Variants in TTC21B observed in about 807,000 individuals in gnomAD.
TTC21B encodes the protein tetratricopeptide repeat protein 21B.
TTC21B carries 127 observed loss-of-function variants against 175.1 expected under a neutral mutation model. That is an observed-to-expected ratio of 0.73 (90% confidence interval 0.63 to 0.84). TTC21B has a LOEUF of 0.84. Among genes scored for constraint, TTC21B ranks in the 40% least tolerant of loss-of-function variants. The probability of loss-of-function intolerance (pLI) is 0.00; values close to 1 mark genes in which losing one functional copy is unlikely to be tolerated. For synonymous variants in TTC21B, 524 were observed against 524.5 expected (o/e 1.00, Z 0.01); for missense variants, 1,561 against 1,558.3 (o/e 1.00, Z -0.03).
chr2:165,931,697 C>G (rs1182883191), intron 8 of TTC21B, 61 bp downstream of exon 8: 2 of 1,393,144 alleles, frequency 1.4e-6, no homozygotes, highest in Non-Finnish European at 2.0e-6. Flanking sequence ...CCACCTTTTC[C>G]ACTTATTTTA....
chr2:165,940,345 C>T (rs1245507357), intron 6 of TTC21B, among the ~76,000 whole-genome samples: 1 of 152,156 alleles, frequency 6.6e-6, no homozygotes, highest in Non-Finnish European at 1.5e-5. Flanking sequence ...CACTCCTCTG[C>T]TCAAAACCCT....
intron 12 of TTC21B, among the ~76,000 whole-genome samples, 198 bp downstream of exon 12, chr2:165,924,351 A>G (rs549800387): frequency 6.6e-6 from 1 of 152,194 alleles, no homozygotes; most frequent in Non-Finnish European, 1.5e-5. Flanking sequence ...CTTAAGCCAC[A>G]CAAGTTTATA....
intron 6 of TTC21B, among the ~76,000 whole-genome samples, chr2:165,936,376 G>A (rs1445643713): frequency 6.6e-6 from 1 of 152,000 alleles, no homozygotes; most frequent in East Asian, 1.9e-4. Flanking sequence ...TAATACAGGA[G>A]AAAATCTGAC....
intron 6 of TTC21B, among the ~76,000 whole-genome samples, chr2:165,939,628 A>G (rs72887426): frequency 2.6e-5 from 4 of 152,296 alleles, no homozygotes; most frequent in Non-Finnish European, 4.4e-5. Flanking sequence ...CAGTGACTCC[A>G]AAATACTAGC....
chr2:165,908,085 G>A (rs1164052735), intron 18 of TTC21B, among the ~76,000 whole-genome samples: 1 of 152,120 alleles, frequency 6.6e-6, no homozygotes. Flanking sequence ...ATTCTTAAGT[G>A]TATAAAAATT....
chr2:165,935,998 G>T (rs1687124784), intron 6 of TTC21B, among the ~76,000 whole-genome samples: 1 of 152,048 alleles, frequency 6.6e-6, no homozygotes, highest in Non-Finnish European at 1.5e-5. Context: ...AAAAAACACA[G>T]AATAGCAACA....
chr2:165,895,896 G>A (rs904574867), intron 22 of TTC21B, among the ~76,000 whole-genome samples: 1 of 152,066 alleles, frequency 6.6e-6, no homozygotes, highest in African/African-American at 2.4e-5. Flanking sequence ...AACTCAAAGA[G>A]TAAAAATAAT....
chr2:165,941,228 A>G, intron 5 of TTC21B, 44 bp from the exon 6 acceptor site: 1 of 1,607,888 alleles, frequency 6.2e-7, no homozygotes, highest in Non-Finnish European at 8.5e-7. Context: ...GTGATCTTTC[A>G]TATCAAAGTT....
At chr2:165,911,666 A>AT (rs1391053835) in intron 17 of TTC21B, among the ~76,000 whole-genome samples, 369 of 138,356 alleles carry the variant, frequency 2.7e-3, no homozygotes, top group Non-Finnish European at 3.8e-3. Context: ...ATATATATAT[A>AT]TATTTTTTTT....
intron 24 of TTC21B, among the ~76,000 whole-genome samples, chr2:165,889,687 A>G (rs1366499099): frequency 6.6e-6 from 1 of 152,122 alleles, no homozygotes. Flanking sequence ...GCAATCTACC[A>G]CTAATTTTCT....
At position 165,917,340 on chromosome 2, in the gene TTC21B, C is replaced by T. The variant is rs763485309; in HGVS notation, c.1816G>A (p.Asp606Asn). 53 of 1,614,030 alleles carry T rather than the reference C, an allele frequency of 3.3e-5. No homozygotes were observed. The highest frequency in any genetic ancestry group is 1.7e-4 in the Admixed American group (10 of 60,008). The change falls in exon 14 of 29, where the codon GAC (aspartate) becomes AAC (asparagine). Residue 606 changes from aspartate (D) to asparagine (N), a missense_variant. By Grantham distance (23) the Asp-to-Asn change is conservative. Coordinates refer to ENST00000243344, the MANE Select transcript of TTC21B (RefSeq NM_024753.5). ...KRIGASTKSK[D>N]RKTEVDTSHR... ...CTTGTATCAACTTCAGTTTTTCTGTCTTTTGATTTTGTGGAAGCTCCAATT... is the reference window on the plus strand; with the variant it reads ...CTTGTATCAACTTCAGTTTTTCTGTTTTTTGATTTTGTGGAAGCTCCAATT...
At chr2:165,918,131 C>T (rs1686246332) in intron 13 of TTC21B, among the ~76,000 whole-genome samples, 1 of 152,210 alleles carries the variant, frequency 6.6e-6, no homozygotes, top group African/African-American at 2.4e-5. Context: ...TGCTGAGGTT[C>T]TCAACCTTAG....
chr2:165,924,043 G>A (rs1025914313), intron 12 of TTC21B, among the ~76,000 whole-genome samples: 6 of 151,954 alleles, frequency 3.9e-5, no homozygotes, highest in Non-Finnish European at 8.8e-5. Context: ...GTGAGCCACC[G>A]CACCCAGCCA....
chr2:165,933,962 G>A (rs1306411731), intron 6 of TTC21B: 1 of 152,090 alleles, frequency 6.6e-6, no homozygotes, highest in Non-Finnish European at 1.5e-5. Flanking sequence ...TATTGGAGGT[G>A]ACAAGAGTCC....
chr2:165,945,262 AAAAG>A lies in TTC21B; in HGVS notation c.429+258_429+261del, dbSNP rs138083821. Among the ~76,000 whole-genome samples the A allele has an allele frequency of 0.018, 2,785 of 152,230 alleles. 121 individuals are homozygous for A. Among genetic ancestry groups the A allele is most frequent in the Admixed American group, 0.1 (1,559 of 15,284 alleles). ...GGAGGGAAGGAAAAAAAGGTAGAGA[AAAAG>A]AAAGAGAAAAACAGAGAGAAGGAAC... On this transcript the variant is annotated intron_variant, in intron 4 of 28. Transcript: ENST00000243344.
intron 14 of TTC21B, among the ~76,000 whole-genome samples, chr2:165,916,198 G>C (rs1668825888): frequency 6.6e-6 from 1 of 152,186 alleles, no homozygotes; most frequent in African/African-American, 2.4e-5. Flanking sequence ...AGGAGTTTGA[G>C]GTTGCAGTGA....
At chr2:165,927,517 A>G (rs953398753) in intron 11 of TTC21B, among the ~76,000 whole-genome samples, 1 of 150,524 alleles carries the variant, frequency 6.6e-6, no homozygotes, top group East Asian at 2.0e-4. Flanking sequence ...TGACTTAATG[A>G]TATTATCTGT....
At chr2:165,895,721 C>A (rs1685340205) in intron 22 of TTC21B, among the ~76,000 whole-genome samples, 1 of 151,870 alleles carries the variant, frequency 6.6e-6, no homozygotes, top group African/African-American at 2.4e-5. Flanking sequence ...CAAGATGAGC[C>A]CATATTTTGG....
intron 18 of TTC21B, among the ~76,000 whole-genome samples, 195 bp from the exon 19 acceptor site, chr2:165,907,979 CTGGA>C (rs1336008408): frequency 6.6e-6 from 1 of 151,654 alleles, no homozygotes; most frequent in Non-Finnish European, 1.5e-5. Flanking sequence ...TAAAAACTGG[CTGGA>C]TGAAAAGTTA....
Sources: allele counts gnomAD v4.1 joint callset (sites outside exome capture counted in the v4.1 genomes callset), GRCh38; gene constraint gnomAD v4.1.1; transcripts MANE v1.5; gene names NCBI Gene and HGNC (gene_info 2026-07-23, HGNC 2026-07-21).